The following POLQ variants were observed in gnomAD, a reference collection of about 807,000 sequenced individuals.
POLQ encodes the protein epididymis secretory sperm binding protein.
In POLQ, 233 loss-of-function variants were observed where a neutral mutation model predicts 259.2. The observed-to-expected ratio is 0.90, with a 90% CI of 0.81 to 1.00. POLQ has a LOEUF of 1.00. Ranked by LOEUF, POLQ falls within the 50% of genes least tolerant of loss-of-function variation. The pLI is 0.00. For missense variants in POLQ, 2,871 were observed against 3,051.6 expected (o/e 0.94, Z 1.39); for synonymous variants, 1,025 against 1,048.8 (o/e 0.98, Z 0.44).
At chr3:121,441,077 A>G (rs1273973435) in intron 26 of POLQ, among the ~76,000 whole-genome samples, 1 of 152,190 alleles carries the variant, frequency 6.6e-6, no homozygotes, top group African/African-American at 2.4e-5. Context: ...AATCAATAGC[A>G]TGGGAATTTC....
Position 121,498,472 on chromosome 3 carries a change from T to G in POLQ, c.2153+5A>C, listed in dbSNP as rs781451736. On this transcript the variant is annotated splice_donor_5th_base_variant and intron_variant, in intron 13 of 29. Coordinates refer to ENST00000264233, the MANE Select transcript of POLQ (RefSeq NM_199420.4). Reference sequence around the variant, plus strand: ...ACCGGAGAGCCCAGAGACCTTGACGTTTACCTTTTATGGATGGCCATTTGT... The same window carrying G: ...ACCGGAGAGCCCAGAGACCTTGACGGTTACCTTTTATGGATGGCCATTTGT... 1.9e-6 allele frequency: 3 copies of G among 1,610,860 alleles called. No individual in the cohort carries two copies. Among genetic ancestry groups the G allele is most frequent in the South Asian group, 2.2e-5 (2 of 90,850 alleles).
chr3:121,495,300 A>T (rs990658954), intron 14 of POLQ, among the ~76,000 whole-genome samples: 1 of 152,014 alleles, frequency 6.6e-6, no homozygotes, highest in Non-Finnish European at 1.5e-5. Context: ...GACTCTTTCC[A>T]CCTAGAGGAA....
intron 18 of POLQ, among the ~76,000 whole-genome samples, chr3:121,482,650 A>G (rs1326441841): frequency 2.6e-5 from 4 of 151,922 alleles, no homozygotes; most frequent in Admixed American, 6.6e-5. Context: ...TATTCATTTG[A>G]TTGCTATTTC....
At chr3:121,439,840 CCTT>C in intron 27 of POLQ, 149 bp downstream of exon 27, 1 of 669,714 alleles carries the variant, frequency 1.5e-6, no homozygotes, top group Non-Finnish European at 2.5e-6. Flanking sequence ...CTTCAGAAGT[CCTT>C]AATGAAACCA....
chr3:121,541,311 G>T, intron 3 of POLQ, 38 bp downstream of exon 3: 1 of 1,493,936 alleles, frequency 6.7e-7, no homozygotes, highest in Non-Finnish European at 9.0e-7. Flanking sequence ...TGCCAATAAT[G>T]AGCCTTTCAC....
rs567790391 is a variant in POLQ, at chr3:121,490,000, A to T, written c.2931T>A (p.Asn977Lys). 18 of 1,580,592 alleles carry T rather than the reference A, an allele frequency of 1.1e-5. No individual in the cohort carries two copies. In the South Asian group the frequency reaches 2.0e-4, roughly 18 times the overall value. ...AAATGGAACATGTCTGATGTTCTTGATTCCCATTCTGGAAATTACAATTAA... is the reference window on the plus strand; with the variant it reads ...AAATGGAACATGTCTGATGTTCTTGTTTCCCATTCTGGAAATTACAATTAA... ...SSFNCNFQNG[N>K]QEHQTCSIFR... The change falls in exon 16 of 30, where the codon AAT (asparagine) becomes AAA (lysine). Residue 977 changes from asparagine (N) to lysine (K), a missense_variant. Asn to Lys is a moderately conservative substitution (Grantham distance 94). Transcript: ENST00000264233.
At chr3:121,485,317 A>T in intron 16 of POLQ, 133 bp from the exon 17 acceptor site, 1 of 539,080 alleles carries the variant, frequency 1.9e-6, no homozygotes, top group Non-Finnish European at 3.2e-6. Flanking sequence ...GCATTTGGAC[A>T]GTCATTTTAA....
chr3:121,494,191 G>A (rs2048095404), intron 14 of POLQ: 2 of 1,250,950 alleles, frequency 1.6e-6, no homozygotes, highest in Admixed American at 3.5e-5. Flanking sequence ...TAAGAAAGTG[G>A]TGAATCCCGT....
At position 121,488,686 on chromosome 3, in the gene POLQ, CG is replaced by C; in HGVS notation, c.4244del (p.Pro1415ArgfsTer16). 2 of 1,612,774 alleles carry C rather than the reference CG, an allele frequency of 1.2e-6. No individual in the cohort carries two copies. Among genetic ancestry groups the C allele is most frequent in the Non-Finnish European group, 1.7e-6 (2 of 1,179,662 alleles). ...CCAATAGTATTGGAGAATGGAAAAT[CG>C]GGCTTTCTGGAGTCAGGATATCAAC... ...HGVDILTPES[P>X]IFHSPILLEE... On this transcript the variant is annotated frameshift_variant, in exon 16 of 30. Transcript: ENST00000264233. LOFTEE classifies it high-confidence loss of function.
chr3:121,541,440 A>C lies in POLQ; in HGVS notation c.383T>G (p.Leu128Arg), dbSNP rs754104033. The C allele has an allele frequency of 6.2e-7, 1 of 1,611,610 alleles. No homozygotes were observed. Among genetic ancestry groups the C allele is most frequent in the East Asian group, 2.2e-5 (1 of 44,848 alleles). Residue 128 changes from leucine to arginine, a missense_variant, in exon 3 of 30, where the codon CTT becomes CGT. Transcript: ENST00000264233. ...CATTTCCAAAACCCGCTTCAAAATA[A>C]GTAATTCTGCCACAAGAGTCTTCCC... ...SAGKTLVAEL[L>R]ILKRVLEMRK...
At chr3:121,447,146 G>A (rs2047638321) in intron 26 of POLQ, among the ~76,000 whole-genome samples, 1 of 147,874 alleles carries the variant, frequency 6.8e-6, no homozygotes, top group Non-Finnish European at 1.5e-5. Flanking sequence ...GTTACCATGA[G>A]ACTTGCAAAT....
chr3:121,527,205 TATGCCCCACC>T (rs1286908933), intron 7 of POLQ, among the ~76,000 whole-genome samples: 1 of 151,980 alleles, frequency 6.6e-6, no homozygotes, highest in Non-Finnish European at 1.5e-5. Flanking sequence ...GGACTACAGG[TATGCCCCACC>T]ACGCCTGGCT....
At chr3:121,470,559 T>C (rs2047875442) in intron 22 of POLQ, among the ~76,000 whole-genome samples, 1 of 152,204 alleles carries the variant, frequency 6.6e-6, no homozygotes, top group African/African-American at 2.4e-5. Context: ...TGAACCTATT[T>C]AATCCTCAGA....
intron 19 of POLQ, among the ~76,000 whole-genome samples, chr3:121,478,783 G>T (rs1416629998): frequency 6.6e-6 from 1 of 152,096 alleles, no homozygotes; most frequent in Non-Finnish European, 1.5e-5. Context: ...AATACAGATG[G>T]TCATAATACA....
In POLQ at chr3:121,490,220, A is replaced by G; in HGVS notation, c.2711T>C (p.Leu904Ser). ...AGTCAATGAGCATGTACTAGAATGTAACAGGGCACATGGATTCCATTGCAC... is the reference window on the plus strand; with the variant it reads ...AGTCAATGAGCATGTACTAGAATGTGACAGGGCACATGGATTCCATTGCAC... The part of the protein sequence containing the change: ...MGVQWNPCAL[L>S]HSSTCSLTHS... The change falls in exon 16 of 30, where the codon TTA (leucine) becomes TCA (serine). Residue 904 changes from leucine (L) to serine (S), a missense_variant. Coordinates refer to ENST00000264233, the MANE Select transcript of POLQ (RefSeq NM_199420.4). 3.7e-6 allele frequency: 6 copies of G among 1,614,166 alleles called. No homozygotes were observed. The highest frequency in any genetic ancestry group is 5.1e-6 in the Non-Finnish European group (6 of 1,179,982).
chr3:121,454,786 G>A (rs2047716971), intron 25 of POLQ, among the ~76,000 whole-genome samples: 1 of 152,116 alleles, frequency 6.6e-6, no homozygotes, highest in African/African-American at 2.4e-5. Context: ...AATAATGGGA[G>A]ACTTTAACAC....
At position 121,522,050 on chromosome 3, in the gene POLQ, G is replaced by A; in HGVS notation, c.1208C>T (p.Ser403Phe). 2.5e-6 allele frequency: 4 copies of A among 1,604,972 alleles called. No individual in the cohort carries two copies. Among genetic ancestry groups the A allele is most frequent in the Non-Finnish European group, 3.4e-6 (4 of 1,175,524 alleles). Reference protein sequence around the residue: ...QLRRLPSGLDSVLQKTVPWGV... With the variant: ...QLRRLPSGLDFVLQKTVPWGV... ...CCATGGTACAGTTTTCTGTAATACA[G>A]AGTCCAGTCCTGAAGGCAAACGTCT... The change falls in exon 8 of 30, where the codon TCT becomes TTT. Residue 403 changes from serine to phenylalanine, a missense_variant. By Grantham distance (155) the Ser-to-Phe change is radical. This residue lies in a region of POLQ where 783 missense variants were observed against 906.2 expected (regional missense o/e 0.86). Coordinates refer to ENST00000264233, the MANE Select transcript of POLQ (RefSeq NM_199420.4).
At chr3:121,459,046 A>T (rs1297906227) in intron 25 of POLQ, among the ~76,000 whole-genome samples, 1 of 152,224 alleles carries the variant, frequency 6.6e-6, no homozygotes, top group African/African-American at 2.4e-5. Flanking sequence ...GTGGTAAGAA[A>T]GTATCAGTGT....
In POLQ at chr3:121,487,639, A is replaced by T. The variant is rs564182145; in HGVS notation, c.5292T>A (p.Asn1764Lys). 6.2e-6 allele frequency: 10 copies of T among 1,613,636 alleles called. No individual in the cohort carries two copies. In the South Asian group the frequency reaches 8.8e-5, roughly 14 times the overall value. The change falls in exon 16 of 30, where the codon AAT becomes AAA. Residue 1764 changes from asparagine (N) to lysine (K), a missense_variant. Asn to Lys is a moderately conservative substitution (Grantham distance 94). Around this residue, in one of 3 missense-constraint regions of POLQ, gnomAD observed 2,080 missense variants for 2,126.0 expected, o/e 0.98. Transcript: ENST00000264233. Reference protein sequence around the residue: ...ETPVNPWKTNNVLQPGESYLF... With the variant: ...ETPVNPWKTNKVLQPGESYLF... ...AATAACTTTCACCAGGTTGTAAAAC[A>T]TTATTAGTTTTCCAAGGGTTTACAG...
Sources: gnomAD v4.1 joint callset for allele counts (sites outside exome capture counted in the v4.1 genomes callset) on GRCh38, gnomAD v4.1.1 for gene constraint, gnomAD v4.1.1 regional missense constraint, MANE v1.5 for transcripts, NCBI Gene and HGNC (gene_info 2026-07-23, HGNC 2026-07-21) for gene names.